Variants in XYLB observed in about 807,000 individuals in gnomAD.
The protein encoded by XYLB is xylulokinase, also known as xylulose kinase.
XYLB carries 62 observed loss-of-function variants against 78.7 expected under a neutral mutation model. The observed-to-expected ratio is 0.79, with a 90% CI of 0.64 to 0.97. The LOEUF is 0.97. XYLB is among the 50% of genes least tolerant of loss of function. The probability of loss-of-function intolerance (pLI) is 0.00; values close to 1 mark genes in which losing one functional copy is unlikely to be tolerated. For missense variants in XYLB, 687 were observed against 676.8 expected (o/e 1.02, Z -0.17); for synonymous variants, 245 against 247.4 (o/e 0.99, Z 0.09).
intron 18 of XYLB, among the ~76,000 whole-genome samples, chr3:38,405,417 T>C (rs1422695787): frequency 8.4e-6 from 1 of 119,144 alleles, no homozygotes; most frequent in Non-Finnish European, 1.7e-5. Context: ...GATGGCCAAA[T>C]AGGAACAGCT....
downstream of XYLB, among the ~76,000 whole-genome samples, chr3:38,417,022 C>A (rs182178891): frequency 6.3e-4 from 96 of 152,326 alleles, no homozygotes; most frequent in African/African-American, 2.2e-3. Flanking sequence ...ACCTCTCTCT[C>A]ATCCAAGACT....
At chr3:38,382,676 C>T (rs1462826275) in intron 15 of XYLB, among the ~76,000 whole-genome samples, 6 of 152,132 alleles carry the variant, frequency 3.9e-5, no homozygotes, top group Admixed American at 2.0e-4. Flanking sequence ...TGGTGGAGTG[C>T]CTGGCAGGGG....
chr3:38,370,754 G>T (rs1706512578), intron 9 of XYLB, among the ~76,000 whole-genome samples: 1 of 152,220 alleles, frequency 6.6e-6, no homozygotes, highest in African/African-American at 2.4e-5. Flanking sequence ...GGTCCCACAG[G>T]TAATGGGAAA....
At chr3:38,435,876 A>T in the XYLB span, among the ~76,000 whole-genome samples, 26 of 151,818 alleles carry the variant, frequency 1.7e-4, no homozygotes, top group Non-Finnish European at 1.5e-4. Context: ...AGATGGAAAT[A>T]AAAAAAAATT....
intron 7 of XYLB, among the ~76,000 whole-genome samples, chr3:38,367,894 C>G (rs188437475): frequency 5.6e-4 from 85 of 152,310 alleles, no homozygotes; most frequent in Non-Finnish European, 1.2e-4. Flanking sequence ...GATGGAAATG[C>G]AGCTTCCCTA....
intron 15 of XYLB, among the ~76,000 whole-genome samples, chr3:38,381,445 A>C (rs1407187295): frequency 6.6e-6 from 1 of 152,254 alleles, no homozygotes; most frequent in Non-Finnish European, 1.5e-5. Context: ...CCTTGAAAAA[A>C]GAACAGGATA....
the XYLB span, chr3:38,452,600 G>C: frequency 6.6e-6 from 1 of 152,006 alleles, no homozygotes; most frequent in Non-Finnish European, 1.5e-5. Context: ...ACCATGCCCA[G>C]CTAATTTTTG....
intron 8 of XYLB, among the ~76,000 whole-genome samples, chr3:38,369,271 T>C (rs1706419948): frequency 6.6e-6 from 1 of 152,148 alleles, no homozygotes; most frequent in Non-Finnish European, 1.5e-5. Flanking sequence ...TACAGCTAGT[T>C]CTGTAGAACT....
chr3:38,388,868 A>G (rs1707514003), intron 15 of XYLB, among the ~76,000 whole-genome samples: 1 of 152,198 alleles, frequency 6.6e-6, no homozygotes, highest in Non-Finnish European at 1.5e-5. Flanking sequence ...TTTAATGAGA[A>G]CACCCACAGT....
chr3:38,446,466 C>A, the XYLB span, among the ~76,000 whole-genome samples: 1 of 152,110 alleles, frequency 6.6e-6, no homozygotes, highest in African/African-American at 2.4e-5. Context: ...TCAGTAGCAA[C>A]CCTGAGTGAA....
intron 15 of XYLB, among the ~76,000 whole-genome samples, chr3:38,379,964 A>C (rs1374746679): frequency 6.6e-6 from 1 of 152,192 alleles, no homozygotes; most frequent in Non-Finnish European, 1.5e-5. Flanking sequence ...CCTGCTTGCT[A>C]GTAGGGCTCT....
At chr3:38,374,323 T>A (rs914045956) in intron 10 of XYLB, 139 bp from the exon 11 acceptor site, 1 of 1,220,326 alleles carries the variant, frequency 8.2e-7, no homozygotes, top group Non-Finnish European at 1.2e-6. Flanking sequence ...AGCGCTCAGC[T>A]CCCCTGCTCC....
intron 2 of XYLB, among the ~76,000 whole-genome samples, chr3:38,354,116 C>T (rs1376291098): frequency 6.6e-6 from 1 of 151,764 alleles, no homozygotes; most frequent in African/African-American, 2.4e-5. Context: ...CTCTGTCGCC[C>T]AGGCTGGAGT....
chr3:38,351,979 G>A (rs1427124443), intron 2 of XYLB, among the ~76,000 whole-genome samples: 1 of 152,194 alleles, frequency 6.6e-6, no homozygotes, highest in Non-Finnish European at 1.5e-5. Context: ...GGCTATGAGA[G>A]TCACATACAA....
chr3:38,356,274 A>G (rs1411158507), intron 2 of XYLB: 1 of 152,866 alleles, frequency 6.5e-6, no homozygotes, highest in Non-Finnish European at 1.5e-5. Flanking sequence ...AAAGAAAGAG[A>G]AAATACTGTT....
chr3:38,429,348 C>A, the XYLB span, among the ~76,000 whole-genome samples: 1 of 152,126 alleles, frequency 6.6e-6, no homozygotes, highest in Non-Finnish European at 1.5e-5. Flanking sequence ...GCAACAGCTT[C>A]TTTGTTTTAG....
At chr3:38,423,264 G>T (rs189081452), downstream of XYLB, among the ~76,000 whole-genome samples, 625 of 152,212 alleles carry the variant, frequency 4.1e-3, 1 homozygote, top group Non-Finnish European at 6.6e-3. Flanking sequence ...AGTGGAGACG[G>T]GGTTTCACTG....
At chr3:38,416,616 A>G (rs1179188328), downstream of XYLB, among the ~76,000 whole-genome samples, 2 of 149,110 alleles carry the variant, frequency 1.3e-5, no homozygotes, top group Non-Finnish European at 3.0e-5. Flanking sequence ...AGGAGAGGCT[A>G]AAAAAAAAGA....
intron 18 of XYLB, among the ~76,000 whole-genome samples, chr3:38,402,235 A>T (rs962083880): frequency 5.3e-5 from 8 of 152,228 alleles, no homozygotes; most frequent in African/African-American, 1.9e-4. Context: ...CCACCAAAGG[A>T]GACATTATCC....
Sources: allele counts gnomAD v4.1 joint callset (sites outside exome capture counted in the v4.1 genomes callset), GRCh38; gene constraint gnomAD v4.1.1; transcripts MANE v1.5; gene names NCBI Gene and HGNC (gene_info 2026-07-23, HGNC 2026-07-21).